The following CTNNA2 variants were observed in gnomAD, a reference collection of about 807,000 sequenced individuals.
CTNNA2 encodes the protein catenin alpha-2.
A neutral mutation model predicts 101.0 loss-of-function variants in CTNNA2; 42 were observed. The observed-to-expected ratio is 0.42, with a 90% CI of 0.32 to 0.54. The LOEUF (loss-of-function observed/expected upper bound fraction) is 0.54, where lower values mean the gene tolerates loss of function less well. CTNNA2 is among the 20% of genes least tolerant of loss of function. The pLI is 0.14. For synonymous variants in CTNNA2, 450 were observed against 456.4 expected (o/e 0.99, Z 0.18); for missense variants, 871 against 1,223.1 (o/e 0.71, Z 4.29).
intron 7 of CTNNA2, among the ~76,000 whole-genome samples, chr2:80,341,615 A>T (rs1672254800): frequency 1.3e-5 from 2 of 152,164 alleles, no homozygotes; most frequent in Admixed American, 6.5e-5. Context: ...GGACAATAAT[A>T]AGTGTGGGAG....
At chr2:79,473,142 T>A (rs970612381) in intron 4 of CTNNA2, among the ~76,000 whole-genome samples, 9 of 152,144 alleles carry the variant, frequency 5.9e-5, no homozygotes, top group African/African-American at 9.7e-5. Context: ...TGTCTTTAGC[T>A]CTTCTCTTTT....
At chr2:80,568,581 G>A (rs996794373) in intron 12 of CTNNA2, among the ~76,000 whole-genome samples, 11 of 151,966 alleles carry the variant, frequency 7.2e-5, no homozygotes, top group Non-Finnish European at 1.5e-4. Context: ...GTGTGTGTGT[G>A]TGTGTGTGTG....
intron 7 of CTNNA2, among the ~76,000 whole-genome samples, chr2:79,997,131 AC>A (rs1007686130): frequency 6.6e-6 from 1 of 151,612 alleles, no homozygotes; most frequent in African/African-American, 2.4e-5. Context: ...AGGCACCAAA[AC>A]CCCCTTTTGG....
intron 2 of CTNNA2, among the ~76,000 whole-genome samples, chr2:79,203,279 G>A (rs989025458): frequency 1.6e-4 from 25 of 152,176 alleles, no homozygotes; most frequent in Middle Eastern, 3.4e-3. Flanking sequence ...TAAACTAAGC[G>A]CAGATCCAAA....
chr2:79,657,333 A>G (rs1681683988), intron 2 of CTNNA2, among the ~76,000 whole-genome samples: 1 of 151,896 alleles, frequency 6.6e-6, no homozygotes, highest in Non-Finnish European at 1.5e-5. Context: ...TGAAGCATGA[A>G]CATCTAAAGG....
At chr2:80,294,048 T>C in intron 7 of CTNNA2, among the ~76,000 whole-genome samples, 1 of 152,146 alleles carries the variant, frequency 6.6e-6, no homozygotes. Context: ...TTGTATATTT[T>C]GAGCAGGACT....
intron 6 of CTNNA2, among the ~76,000 whole-genome samples, chr2:79,875,801 A>C (rs1053722068): frequency 3.3e-5 from 5 of 152,140 alleles, no homozygotes; most frequent in African/African-American, 1.2e-4. Context: ...ACTTAATAAT[A>C]GGTAATTTTA....
intron 2 of CTNNA2, among the ~76,000 whole-genome samples, chr2:79,689,962 A>C (rs2104693415): frequency 6.6e-6 from 1 of 152,120 alleles, no homozygotes; most frequent in Non-Finnish European, 1.5e-5. Context: ...TAAGACATAA[A>C]GCATAGTTAA....
In CTNNA2 at chr2:79,974,756, A is replaced by G. The variant is rs78898559; in HGVS notation, c.1056+64959A>G. ...AATTTTGGTGTGGGAGACAGATAATACAAATTATAAACAAATAAAACATGC... is the reference window on the plus strand; with the variant it reads ...AATTTTGGTGTGGGAGACAGATAATGCAAATTATAAACAAATAAAACATGC... On this transcript the variant is annotated intron_variant, in intron 7 of 18. Transcript: ENST00000402739. Among the ~76,000 whole-genome samples, 799 of 152,312 alleles carry G rather than the reference A, an allele frequency of 5.2e-3. 19 individuals are homozygous for G. The East Asian group carries it at 0.069, about 13-fold the overall frequency.
At chr2:80,238,089 C>T (rs968646781) in intron 7 of CTNNA2, among the ~76,000 whole-genome samples, 1 of 152,120 alleles carries the variant, frequency 6.6e-6, no homozygotes, top group South Asian at 2.1e-4. Flanking sequence ...GAGGAAGGAA[C>T]TGGTAAGACT....
At chr2:79,956,734 G>A (rs1337165688) in intron 7 of CTNNA2, among the ~76,000 whole-genome samples, 2 of 151,954 alleles carry the variant, frequency 1.3e-5, no homozygotes, top group Non-Finnish European at 1.5e-5. Context: ...TGGATGGAAG[G>A]GCAGGCAAAT....
chr2:80,578,535 C>T (rs999081274), intron 13 of CTNNA2, among the ~76,000 whole-genome samples: 5 of 152,128 alleles, frequency 3.3e-5, no homozygotes, highest in South Asian at 4.1e-4. Context: ...AAGAATGCCA[C>T]GAGTAGGAGA....
chr2:79,289,701 C>T (rs888230016), intron 2 of CTNNA2, among the ~76,000 whole-genome samples: 33 of 152,192 alleles, frequency 2.2e-4, no homozygotes, highest in African/African-American at 6.3e-4. Flanking sequence ...GCTGAGATTG[C>T]GCCACTGCAT....
At chr2:80,210,390 T>G (rs1163238227) in intron 7 of CTNNA2, among the ~76,000 whole-genome samples, 1 of 151,290 alleles carries the variant, frequency 6.6e-6, no homozygotes, top group East Asian at 2.0e-4. Context: ...CAGGCCCCAG[T>G]ATGTGATGTT....
chr2:79,464,554 A>G (rs552834110), intron 4 of CTNNA2, among the ~76,000 whole-genome samples: 12 of 152,260 alleles, frequency 7.9e-5, no homozygotes, highest in Non-Finnish European at 1.3e-4. Context: ...CTGAGGAATC[A>G]CCACACTGTC....
intron 7 of CTNNA2, among the ~76,000 whole-genome samples, chr2:80,034,882 A>T (rs910486221): frequency 6.6e-6 from 1 of 152,186 alleles, no homozygotes; most frequent in African/African-American, 2.4e-5. Flanking sequence ...CAACTACAAA[A>T]ATTACAAAAT....
intron 3 of CTNNA2, among the ~76,000 whole-genome samples, chr2:79,331,153 C>T (rs1326883481): frequency 1.3e-5 from 2 of 152,116 alleles, no homozygotes; most frequent in Non-Finnish European, 2.9e-5. Context: ...CCTCTGCCTG[C>T]CATCTCTTTT....
intron 3 of CTNNA2, among the ~76,000 whole-genome samples, chr2:79,788,377 A>G (rs905995638): frequency 9.2e-5 from 14 of 152,114 alleles, no homozygotes; most frequent in African/African-American, 3.1e-4. Context: ...GAGAGGTAGG[A>G]ATATAGAGGA....
chr2:80,453,576 CA>C (rs981524953), intron 9 of CTNNA2, among the ~76,000 whole-genome samples: 1 of 151,966 alleles, frequency 6.6e-6, no homozygotes, highest in Non-Finnish European at 1.5e-5. Flanking sequence ...AAAAAACAAA[CA>C]AAATAAAACA....
Sources: allele counts gnomAD v4.1 joint callset (sites outside exome capture counted in the v4.1 genomes callset), GRCh38; gene constraint gnomAD v4.1.1; transcripts MANE v1.5; gene names NCBI Gene and HGNC (gene_info 2026-07-23, HGNC 2026-07-21).